NAV1: variants seen among roughly 807,000 people sequenced by gnomAD.
The protein encoded by NAV1 is neuron navigator 1.
Under a neutral mutation model 175.2 loss-of-function variants are expected in NAV1, and 18 were observed. That is an observed-to-expected ratio of 0.10 (90% confidence interval 0.07 to 0.15). The LOEUF (loss-of-function observed/expected upper bound fraction) is 0.15, where lower values mean the gene tolerates loss of function less well. NAV1 is among the 10% of genes least tolerant of loss of function. The pLI is 1.00. For missense variants in NAV1, 1,731 were observed against 2,436.6 expected, an observed-to-expected ratio of 0.71 and a Z score of 6.10; for synonymous variants, 897 against 978.7, an observed-to-expected ratio of 0.92 and a Z score of 1.56.
intron 3 of NAV1, among the ~76,000 whole-genome samples, chr1:201,735,220 G>A (rs910155739): frequency 1.3e-5 from 2 of 152,216 alleles, no homozygotes; most frequent in African/African-American, 4.8e-5. Context: ...TGGTGCCATT[G>A]ACTGGTAAAA....
chr1:201,556,396 G>A (rs582689), intron 1 of NAV1, among the ~76,000 whole-genome samples: 1 of 151,258 alleles, frequency 6.6e-6, no homozygotes, highest in South Asian at 2.1e-4. Context: ...CCAGCCTGGG[G>A]GACAGAGGAA....
At chr1:201,763,511 G>A (rs1013124566) in intron 3 of NAV1, among the ~76,000 whole-genome samples, 1 of 152,144 alleles carries the variant, frequency 6.6e-6, no homozygotes, top group African/African-American at 2.4e-5. Context: ...AAGAAGTACA[G>A]GAGGGGAAAG....
chr1:201,810,647 G>C lies in NAV1; in HGVS notation c.4686G>C (p.Thr1562=). 6.2e-7 allele frequency: 1 copy of C among 1,614,044 alleles called. No individual in the cohort carries two copies. Among genetic ancestry groups the C allele is most frequent in the Non-Finnish European group, 8.5e-7 (1 of 1,180,010 alleles). ...TCGTCCTCTCGGGCCCCAGCGGCACGGGCAAGACCTACCTGACCAATCGCT... is the reference window on the plus strand; with the variant it reads ...TCGTCCTCTCGGGCCCCAGCGGCACCGGCAAGACCTACCTGACCAATCGCT... The change falls in exon 24 of 30, where the codon ACG becomes ACC. Residue 1562 remains threonine (T), a synonymous_variant. Transcript: ENST00000367296. This position sits in a 1 kb window ranked among gnomAD's most constrained non-coding sequence, Gnocchi z 6.0.
rs748827165 is a variant in NAV1, at chr1:201,812,378, C to A, written c.5025-87C>A. 25 of 1,322,392 alleles carry A rather than the reference C, an allele frequency of 1.9e-5. No homozygotes were observed. Among genetic ancestry groups the A allele is most frequent in the Non-Finnish European group, 2.1e-5 (20 of 936,670 alleles). The allele number at this position is 1,322,392 out of a possible 1,614,324, so 81.9% of individuals were successfully genotyped here. The stretch of plus-strand genomic sequence containing the variant: ...CAAGTAGGCATTAGTGAGAAGCAGG[C>A]AGAAGGAGGGACAGACTGGCAGGGG... On this transcript the variant is annotated intron_variant, in intron 26 of 29. Transcript: ENST00000367296. This position sits in a 1 kb window ranked among gnomAD's most constrained non-coding sequence, Gnocchi z 4.6.
chr1:201,675,031 C>CA (rs35348125), intron 1 of NAV1, among the ~76,000 whole-genome samples: 3,947 of 84,072 alleles, frequency 0.047, 220 homozygotes, highest in African/African-American at 0.14. Flanking sequence ...GACTCTGTCT[C>CA]AAAAAAAAAA....
In NAV1 at chr1:201,718,607, A is replaced by T; in HGVS notation, c.1078A>T (p.Met360Leu). 1 of 1,614,172 alleles carries T rather than the reference A, an allele frequency of 6.2e-7. No homozygotes were observed. Among genetic ancestry groups the T allele is most frequent in the Non-Finnish European group, 8.5e-7 (1 of 1,180,040 alleles). The change falls in exon 3 of 30, where the codon ATG (methionine) becomes TTG (leucine). Residue 360 changes from methionine to leucine, a missense_variant. Around this residue, in one of 13 missense-constraint regions of NAV1, gnomAD observed 487 missense variants for 581.3 expected, o/e 0.84. Coordinates refer to ENST00000367296, the Ensembl canonical transcript of NAV1. The surrounding 1 kb of genome is among the most constrained non-coding windows in gnomAD (Gnocchi z 4.8). ...GGCCCACTACTCCCACACCATGCCC[A>T]TGCGCAGCCCCAGCAAGCTCAGCCA...
At chr1:201,617,633 T>C (rs1054055988) in intron 2 of NAV1, among the ~76,000 whole-genome samples, 6 of 152,192 alleles carry the variant, frequency 3.9e-5, no homozygotes, top group Admixed American at 6.5e-5. Flanking sequence ...GAGGCTGAGG[T>C]GGGAGGATCA....
intron 1 of NAV1, among the ~76,000 whole-genome samples, chr1:201,578,949 A>G (rs982268806): frequency 6.6e-6 from 1 of 152,038 alleles, no homozygotes. Context: ...CCTGGCCAAC[A>G]TGGTGAAACC....
rs1404565886 is a variant in NAV1, at chr1:201,812,963, G to A, written c.5222-177G>A. Reference sequence around the variant, plus strand: ...CCTTATCTCACTTCTACCTTGTGAAGCAGGACTTATGAGATTGCCATCTAG... The same window carrying A: ...CCTTATCTCACTTCTACCTTGTGAAACAGGACTTATGAGATTGCCATCTAG... On this transcript the variant is annotated intron_variant, in intron 27 of 29. Coordinates refer to ENST00000367296, the Ensembl canonical transcript of NAV1. This position sits in a 1 kb window ranked among gnomAD's most constrained non-coding sequence, Gnocchi z 4.6. 3.3e-5 allele frequency among the ~76,000 whole-genome samples: 5 copies of A among 152,184 alleles called. No individual in the cohort carries two copies. The highest frequency in any genetic ancestry group is 5.9e-5 in the Non-Finnish European group (4 of 68,030).
intron 3 of NAV1, among the ~76,000 whole-genome samples, chr1:201,743,499 T>C (rs1392707730): frequency 1.3e-5 from 2 of 152,238 alleles, no homozygotes; most frequent in Non-Finnish European, 2.9e-5. Context: ...AAAATGGGTA[T>C]AGCTCCTGAC....
intron 1 of NAV1, among the ~76,000 whole-genome samples, chr1:201,573,174 G>A (rs1481337782): frequency 6.6e-6 from 1 of 152,236 alleles, no homozygotes; most frequent in Non-Finnish European, 1.5e-5. Flanking sequence ...TTACCATGTA[G>A]GCCAGACACC....
intron 1 of NAV1, among the ~76,000 whole-genome samples, chr1:201,701,469 C>G (rs1671422768): frequency 6.6e-6 from 1 of 152,072 alleles, no homozygotes; most frequent in Admixed American, 6.5e-5. Flanking sequence ...CAGACCAACT[C>G]CAGTGGCTCT....
chr1:201,550,010 CAAAAAAA>C (rs1186985996), intron 1 of NAV1, among the ~76,000 whole-genome samples: 6 of 17,696 alleles, frequency 3.4e-4, no homozygotes, highest in Non-Finnish European at 4.5e-4. Context: ...GACTCCATCT[CAAAAAAA>C]AAAAAAAAAA....
At chr1:201,609,052 T>A (rs547724164) in intron 2 of NAV1, among the ~76,000 whole-genome samples, 107 of 152,296 alleles carry the variant, frequency 7.0e-4, no homozygotes, top group Middle Eastern at 3.4e-3. Context: ...GCTTTTCAGA[T>A]GGCAAAGCTA....
intron 1 of NAV1, among the ~76,000 whole-genome samples, chr1:201,555,251 C>T (rs1208973564): frequency 6.6e-6 from 1 of 152,170 alleles, no homozygotes; most frequent in Non-Finnish European, 1.5e-5. Context: ...CCACCTGCCA[C>T]AAGATTGAAT....
chr1:201,656,820 C>T (rs937538995), intron 1 of NAV1, among the ~76,000 whole-genome samples: 12 of 152,228 alleles, frequency 7.9e-5, no homozygotes, highest in African/African-American at 2.7e-4. Flanking sequence ...CAGCTTCCCC[C>T]AAACAGACCC....
At chr1:201,675,468 G>A (rs2102387454) in intron 1 of NAV1, among the ~76,000 whole-genome samples, 2 of 152,202 alleles carry the variant, frequency 1.3e-5, no homozygotes, top group Middle Eastern at 6.8e-3. Context: ...AGAGATAAAA[G>A]TCCCTGCTTT....
At chr1:201,571,883 T>C (rs1459387800) in intron 1 of NAV1, among the ~76,000 whole-genome samples, 2 of 152,162 alleles carry the variant, frequency 1.3e-5, no homozygotes, top group Non-Finnish European at 2.9e-5. Flanking sequence ...ACAATTTGAG[T>C]GGGTAAAAGT....
intron 1 of NAV1, among the ~76,000 whole-genome samples, chr1:201,650,404 G>A (rs950441207): frequency 3.3e-5 from 5 of 152,240 alleles, no homozygotes; most frequent in African/African-American, 1.2e-4. Flanking sequence ...ACGGAACAAG[G>A]ACGGTGGGGC....
Sources: allele counts gnomAD v4.1 joint callset (sites outside exome capture counted in the v4.1 genomes callset), GRCh38; gene constraint gnomAD v4.1.1; regional missense constraint gnomAD v4.1.1; non-coding constraint Gnocchi (gnomAD v3.1); transcripts MANE v1.5; gene names NCBI Gene and HGNC (gene_info 2026-07-23, HGNC 2026-07-21).